The following OR5H15 variants were observed in gnomAD, a reference collection of about 807,000 sequenced individuals.
OR5H15 encodes olfactory receptor 5H15.
For missense variants in OR5H15, 405 were observed against 366.1 expected, an observed-to-expected ratio of 1.11 and a Z score of -0.87; for synonymous variants, 153 against 129.1, an observed-to-expected ratio of 1.19 and a Z score of -1.26.
chr3:98,166,699 G>T lies in OR5H15; in HGVS notation c.-151G>T, dbSNP rs1708722087. 6.6e-6 allele frequency: 1 copy of T among 152,096 alleles called. No homozygotes were observed. Among genetic ancestry groups the T allele is most frequent in the Non-Finnish European group, 1.5e-5 (1 of 68,014 alleles). The allele number at this position is 152,096 out of a possible 1,614,324, so 9.4% of individuals were successfully genotyped here. A position where few individuals can be genotyped will look rare whatever the true frequency, so the allele number is the denominator to read the frequency against. ...CAACATTTTTCTATGCTTGGAAAATGAAACCTTCAAAAAGCATGAGTACGT... is the reference window on the plus strand; with the variant it reads ...CAACATTTTTCTATGCTTGGAAAATTAAACCTTCAAAAAGCATGAGTACGT... On this transcript the variant is annotated 5_prime_UTR_variant, in exon 1 of 2. An upstream start codon of the reference 5' UTR is lost. Coordinates refer to ENST00000641450, the MANE Select transcript of OR5H15 (RefSeq NM_001005515.2).
chr3:98,169,698 T>A lies in OR5H15; in HGVS notation c.*57T>A. The stretch of plus-strand genomic sequence containing the variant: ...AAATTACGCAAGTTAGAGGTACCTA[T>A]GTTGTTTCCAGTGTTCAAACATTTT... On this transcript the variant is annotated 3_prime_UTR_variant, in exon 2 of 2. Transcript: ENST00000641450. 1.6e-6 allele frequency: 2 copies of A among 1,276,672 alleles called. No homozygotes were observed. The highest frequency in any genetic ancestry group is 2.5e-5 in the South Asian group (2 of 80,276). 79.1% of individuals were successfully genotyped at this position (1,276,672 alleles called of 1,614,324 possible).
chr3:98,167,176 C>T (rs1430177406), intron 1 of OR5H15, among the ~76,000 whole-genome samples: 1 of 151,928 alleles, frequency 6.6e-6, no homozygotes, highest in Non-Finnish European at 1.5e-5. Flanking sequence ...GATATAAATA[C>T]CCATGCTTTT....
At chr3:98,168,433 T>C (rs1279047340) in intron 1 of OR5H15, among the ~76,000 whole-genome samples, 2 of 152,094 alleles carry the variant, frequency 1.3e-5, no homozygotes, top group Admixed American at 6.6e-5. Context: ...ATAGTGTCCA[T>C]ATAAATGTAG....
Position 98,168,951 on chromosome 3 carries a change from C to G in OR5H15, c.252C>G (p.Asn84Lys). 6.2e-7 allele frequency: 1 copy of G among 1,613,582 alleles called. No individual in the cohort carries two copies. The highest frequency in any genetic ancestry group is 8.5e-7 in the Non-Finnish European group (1 of 1,179,628). ...CAGTGACCCCAAAGATGCTGAATAA[C>G]TTCTTAGCTAAGAGTAAGATGATAT... is the stretch of plus-strand genomic sequence containing the variant. ...SSTVTPKMLN[N>K]FLAKSKMISL... Residue 84 changes from asparagine to lysine, a missense_variant, in exon 2 of 2, where the codon AAC becomes AAG. Transcript: ENST00000641450.
chr3:98,169,547 C>G lies in OR5H15; in HGVS notation c.848C>G (p.Pro283Arg). ...CCTCTATTCTACACTGTCATCATTC[C>G]TTTGTTAAATCCTATCATCTACAGT... Reference protein sequence around the residue: ...VEPLFYTVIIPLLNPIIYSLR... With the variant: ...VEPLFYTVIIRLLNPIIYSLR... Residue 283 changes from proline (P) to arginine (R), a missense_variant, in exon 2 of 2, where the codon CCT (proline) becomes CGT (arginine). Coordinates refer to ENST00000641450, the MANE Select transcript of OR5H15 (RefSeq NM_001005515.2). 2.5e-6 allele frequency: 4 copies of G among 1,612,738 alleles called. No individual in the cohort carries two copies. Among genetic ancestry groups the G allele is most frequent in the Non-Finnish European group, 3.4e-6 (4 of 1,179,018 alleles).
In OR5H15 at chr3:98,169,370, C is replaced by G. The variant is rs767515898; in HGVS notation, c.671C>G (p.Thr224Arg). 6.8e-6 allele frequency: 11 copies of G among 1,613,070 alleles called. No individual in the cohort carries two copies. Among genetic ancestry groups the G allele is most frequent in the Admixed American group, 1.7e-5 (1 of 59,842 alleles). The change falls in exon 2 of 2, where the codon ACA becomes AGA. Residue 224 changes from threonine to arginine, a missense_variant. Physicochemically the swap from Thr to Arg is moderately conservative, Grantham distance 71 (BLOSUM62 -1). Coordinates refer to ENST00000641450, the MANE Select transcript of OR5H15 (RefSeq NM_001005515.2). Reference sequence around the variant, plus strand: ...ATATCTTACACATTTGTTCTCTTCACAGTCTTAGAAAAGAAATCTGATAAG... The same window carrying G: ...ATATCTTACACATTTGTTCTCTTCAGAGTCTTAGAAAAGAAATCTGATAAG... Reference protein sequence around the residue: ...ILISYTFVLFTVLEKKSDKGV... With the variant: ...ILISYTFVLFRVLEKKSDKGV...
chr3:98,169,102 A>T lies in OR5H15; in HGVS notation c.403A>T (p.Ile135Phe). 2 of 1,613,640 alleles carry T rather than the reference A, an allele frequency of 1.2e-6. No homozygotes were observed. The highest frequency in any genetic ancestry group is 8.5e-7 in the Non-Finnish European group (1 of 1,179,648). Residue 135 changes from isoleucine (I) to phenylalanine (F), a missense_variant, in exon 2 of 2, where the codon ATT becomes TTT. Ile to Phe is a conservative substitution (Grantham distance 21). Transcript: ENST00000641450. Reference sequence around the variant, plus strand: ...ATGCAAACCTTTACTTTATCCAGCCATTATGACCAATGGACTGTGCATCCG... The same window carrying T: ...ATGCAAACCTTTACTTTATCCAGCCTTTATGACCAATGGACTGTGCATCCG... ...AICKPLLYPAIMTNGLCIRLL... is the reference protein window; with the variant it reads ...AICKPLLYPAFMTNGLCIRLL...
chr3:98,168,427 T>A (rs968888876), intron 1 of OR5H15, among the ~76,000 whole-genome samples: 3 of 152,074 alleles, frequency 2.0e-5, no homozygotes, highest in African/African-American at 7.2e-5. Flanking sequence ...CACTCAATAG[T>A]GTCCATATAA....
At chr3:98,167,969 A>G (rs376621046) in intron 1 of OR5H15, among the ~76,000 whole-genome samples, 12 of 152,088 alleles carry the variant, frequency 7.9e-5, no homozygotes, top group Admixed American at 2.6e-4. Context: ...CATCTCTTCC[A>G]ATGTTATATC....
intron 1 of OR5H15, among the ~76,000 whole-genome samples, chr3:98,167,129 T>C (rs933393562): frequency 1.3e-5 from 2 of 152,250 alleles, no homozygotes; most frequent in East Asian, 3.9e-4. Context: ...ATTCACATCA[T>C]AATGATTCTT....
rs201058793 is a variant in OR5H15 at position 98,169,470 on chromosome 3, A to C, written c.771A>C (p.Leu257Phe). Residue 257 changes from leucine (L) to phenylalanine (F), a missense_variant, in exon 2 of 2, where the codon TTA becomes TTC. Physicochemically the swap from Leu to Phe is conservative, Grantham distance 22. Coordinates refer to ENST00000641450, the MANE Select transcript of OR5H15 (RefSeq NM_001005515.2). ...GTTTATACTATGGCCCCCTTCTCTT[A>C]ATGTATGTGGGCCCTGCATCTCCGC... ...SVCLYYGPLL[L>F]MYVGPASPQA... 4 of 1,612,912 alleles carry C rather than the reference A, an allele frequency of 2.5e-6. No individual in the cohort carries two copies. The highest frequency in any genetic ancestry group is 2.5e-6 in the Non-Finnish European group (3 of 1,179,690).
rs1708769371 is a variant in OR5H15, at chr3:98,169,241, CTA to C, written c.544_545del (p.Ile182ProfsTer4). On this transcript the variant is annotated frameshift_variant, in exon 2 of 2. Transcript: ENST00000641450. LOFTEE classifies it low-confidence loss of function (END_TRUNC). ...ATAGTACATCACATTTACTGTGACACTATCCCATTGTCTAAGATTTCTTGTAC... is the reference window on the plus strand; with the variant it reads ...ATAGTACATCACATTTACTGTGACACTCCCATTGTCTAAGATTTCTTGTAC... 1 of 1,610,614 alleles carries C rather than the reference CTA, an allele frequency of 6.2e-7. No homozygotes were observed. The highest frequency in any genetic ancestry group is 1.7e-5 in the Admixed American group (1 of 59,422).
intron 1 of OR5H15, among the ~76,000 whole-genome samples, chr3:98,167,834 T>A (rs368928837): frequency 1.6e-4 from 24 of 152,216 alleles, no homozygotes; most frequent in African/African-American, 4.8e-4. Flanking sequence ...ATGTTTAATG[T>A]CCATCTTGCC....
Position 98,169,697 on chromosome 3 carries a change from A to G in OR5H15, c.*56A>G, listed in dbSNP as rs113549034. On this transcript the variant is annotated 3_prime_UTR_variant, in exon 2 of 2. Transcript: ENST00000641450. The stretch of plus-strand genomic sequence containing the variant: ...AAAATTACGCAAGTTAGAGGTACCT[A>G]TGTTGTTTCCAGTGTTCAAACATTT... The G allele has an allele frequency of 5.1e-3, 6,534 of 1,293,554 alleles. 274 individuals are homozygous for G. The African/African-American group carries it at 0.085, about 17-fold the overall frequency. The allele number at this position is 1,293,554 out of a possible 1,614,324, so 80.1% of individuals were successfully genotyped here.
rs1708768692 is a variant in OR5H15 at position 98,169,203 on chromosome 3, C to T, written c.504C>T (p.Phe168=). 6.2e-7 allele frequency: 1 copy of T among 1,612,722 alleles called. No individual in the cohort carries two copies. The highest frequency in any genetic ancestry group is 1.3e-5 in the African/African-American group (1 of 74,894). Reference sequence around the variant, plus strand: ...AAGGATTTTTATTCAGACTAACCTTCTGTAACTCCAACATAGTACATCACA... The same window carrying T: ...AAGGATTTTTATTCAGACTAACCTTTTGTAACTCCAACATAGTACATCACA... The part of the protein sequence containing the change: ...IHEGFLFRLT[F]CNSNIVHHIY... Residue 168 remains phenylalanine, a synonymous_variant, in exon 2 of 2, where the codon TTC becomes TTT. Coordinates refer to ENST00000641450, the MANE Select transcript of OR5H15 (RefSeq NM_001005515.2).
At position 98,169,332 on chromosome 3, in the gene OR5H15, T is replaced by C; in HGVS notation, c.633T>C (p.Ile211=). The C allele has an allele frequency of 6.2e-7, 1 of 1,612,806 alleles. No individual in the cohort carries two copies. The highest frequency in any genetic ancestry group is 8.5e-7 in the Non-Finnish European group (1 of 1,179,150). ...IFSGSIQVFS[I]VTILISYTFV... is the part of the protein sequence containing the mutation. ...CAGGTTCAATTCAGGTATTCAGCAT[T>C]GTGACTATTCTTATATCTTACACAT... Residue 211 remains isoleucine (I), a synonymous_variant, in exon 2 of 2, where the codon ATT becomes ATC. Coordinates refer to ENST00000641450, the MANE Select transcript of OR5H15 (RefSeq NM_001005515.2).
rs760504823 is a variant in OR5H15, at chr3:98,168,721, T to C, written c.22T>C (p.Leu8=). 3.1e-6 allele frequency: 5 copies of C among 1,613,096 alleles called. No individual in the cohort carries two copies. The highest frequency in any genetic ancestry group is 3.3e-5 in the Admixed American group (2 of 59,922). The part of the protein sequence containing the change: MEEENAT[L]LTEFVLTGFL... ...GGACATGGAAGAGGAAAATGCAACA[T>C]TGCTGACAGAGTTTGTTCTCACAGG... is the stretch of plus-strand genomic sequence containing the variant. Residue 8 remains leucine, a synonymous_variant, in exon 2 of 2, where the codon TTG becomes CTG. Coordinates refer to ENST00000641450, the MANE Select transcript of OR5H15 (RefSeq NM_001005515.2).
rs1209690247 is a variant in OR5H15, at chr3:98,168,821, G to A, written c.122G>A (p.Gly41Glu). The change falls in exon 2 of 2, where the codon GGG (glycine) becomes GAG (glutamate). Residue 41 changes from glycine to glutamate, a missense_variant. Physicochemically the swap from Gly to Glu is moderately conservative, Grantham distance 98. Transcript: ENST00000641450. ...FLVIYLITIM[G>E]NLGLIAVIWK... Reference sequence around the variant, plus strand: ...GTAATATATCTCATCACCATCATGGGGAATCTTGGTCTGATTGCTGTCATC... The same window carrying A: ...GTAATATATCTCATCACCATCATGGAGAATCTTGGTCTGATTGCTGTCATC... The A allele has an allele frequency of 1.2e-6, 2 of 1,613,378 alleles. No individual in the cohort carries two copies. Among genetic ancestry groups the A allele is most frequent in the South Asian group, 1.1e-5 (1 of 91,054 alleles).
rs200365030 is a variant in OR5H15, at chr3:98,168,817, A to G, written c.118A>G (p.Met40Val). ...AFLVIYLITIMGNLGLIAVIW... is the reference protein window; with the variant it reads ...AFLVIYLITIVGNLGLIAVIW... ...CTTGGTAATATATCTCATCACCATC[A>G]TGGGGAATCTTGGTCTGATTGCTGT... Residue 40 changes from methionine to valine, a missense_variant, in exon 2 of 2, where the codon ATG becomes GTG. Transcript: ENST00000641450. 2 of 1,613,064 alleles carry G rather than the reference A, an allele frequency of 1.2e-6. No individual in the cohort carries two copies. The highest frequency in any genetic ancestry group is 2.2e-5 in the South Asian group (2 of 91,060).
Sources: allele counts gnomAD v4.1 joint callset (sites outside exome capture counted in the v4.1 genomes callset), GRCh38; gene constraint gnomAD v4.1.1; transcripts MANE v1.5; gene names NCBI Gene and HGNC (gene_info 2026-07-23, HGNC 2026-07-21).